The following EMSY variants were observed in gnomAD, a reference collection of about 807,000 sequenced individuals.
EMSY encodes the protein BRCA2-interacting transcriptional repressor EMSY.
Under a neutral mutation model 134.6 loss-of-function variants are expected in EMSY, and 26 were observed. That is an observed-to-expected ratio of 0.19 (90% CI 0.14 to 0.27). EMSY has a LOEUF of 0.27. Among genes scored for constraint, EMSY ranks in the 10% least tolerant of loss-of-function variants. The pLI, the probability that EMSY is intolerant of heterozygous loss-of-function variation, is 1.00. For synonymous variants in EMSY, 579 were observed against 577.8 expected (o/e 1.00, Z -0.03); for missense variants, 1,305 against 1,611.4 (o/e 0.81, Z 3.26).
intron 12 of EMSY, among the ~76,000 whole-genome samples, chr11:76,523,851 C>T (rs533647358): frequency 6.6e-6 from 1 of 151,282 alleles, no homozygotes; most frequent in Non-Finnish European, 1.5e-5. Flanking sequence ...TCAAGACCAG[C>T]CTTGGCAACA....
chr11:76,463,645 A>AG (rs1483174068), intron 6 of EMSY, among the ~76,000 whole-genome samples, 176 bp from the exon 8 acceptor site: 2 of 151,664 alleles, frequency 1.3e-5, no homozygotes, highest in Admixed American at 1.3e-4. Flanking sequence ...AAAAAAAAAA[A>AG]AAAGAAAGGA....
At chr11:76,513,166 G>A (rs992898299) in intron 9 of EMSY, among the ~76,000 whole-genome samples, 4 of 152,060 alleles carry the variant, frequency 2.6e-5, no homozygotes, top group African/African-American at 7.2e-5. Context: ...TCTTTATGAA[G>A]TTTGTTAATG....
At chr11:76,539,873 G>T (rs541630694) in intron 17 of EMSY, among the ~76,000 whole-genome samples, 12 of 152,286 alleles carry the variant, frequency 7.9e-5, no homozygotes, top group African/African-American at 2.4e-4. Flanking sequence ...CTGCTTTATG[G>T]TGTTTATATG....
chr11:76,544,878 A>G, intron 19 of EMSY, 56 bp downstream of exon 20: 1 of 1,550,876 alleles, frequency 6.4e-7, no homozygotes, highest in Non-Finnish European at 8.8e-7. Context: ...GGAAAAAAAA[A>G]TGAGAACATC....
In EMSY at chr11:76,458,060, A is replaced by G. The variant is rs558166853; in HGVS notation, c.246-123A>G. ...TTTTGATCTTGCTTGCTTAAAATAA[A>G]GCCTCTCCTATTCACTCAGGGCACT... is the stretch of plus-strand genomic sequence containing the variant. On this transcript the variant is annotated intron_variant, in intron 4 of 20. Transcript: ENST00000334736. 4 of 738,060 alleles carry G rather than the reference A, an allele frequency of 5.4e-6. No homozygotes were observed. In the East Asian group the frequency reaches 1.2e-4, roughly 23 times the overall value. 45.7% of individuals were successfully genotyped at this position (738,060 alleles called of 1,614,324 possible). A position where few individuals can be genotyped will look rare whatever the true frequency, so the allele number is the denominator to read the frequency against.
intron 10 of EMSY, 84 bp downstream of exon 11, chr11:76,513,619 G>C: frequency 7.0e-7 from 1 of 1,426,090 alleles, no homozygotes; most frequent in African/African-American, 1.4e-5. Flanking sequence ...CTTGACACTT[G>C]GGATATAGAG....
intron 8 of EMSY, among the ~76,000 whole-genome samples, chr11:76,494,654 CCTTCCTTCCTTCCTTCCTTCCTTCCT>C (rs1949558552): frequency 4.8e-4 from 1 of 2,104 alleles, no homozygotes; most frequent in Admixed American, 5.0e-3. Context: ...CCTTTCCCTT[CCTTCCTTCCTTCCTTCCTTCCTTCCT>C]TCCTTCCTTC....
chr11:76,549,879 TCTTGA>T, intron 20 of EMSY, 68 bp from the exon 22 acceptor site: 1 of 1,316,670 alleles, frequency 7.6e-7, no homozygotes, highest in Non-Finnish European at 1.0e-6. Flanking sequence ...TTTTTTTTTT[TCTTGA>T]TATTGTTGGG....
At chr11:76,462,238 C>CATAAATAAATAAATAA (rs558456923) in intron 6 of EMSY, among the ~76,000 whole-genome samples, 1 of 152,014 alleles carries the variant, frequency 6.6e-6, no homozygotes, top group Non-Finnish European at 1.5e-5. Context: ...GACTCCATCT[C>CATAAATAAATAAATAA]ATAAATAAAT....
intron 2 of EMSY, 94 bp downstream of exon 2, chr11:76,447,102 C>T (rs572857622): frequency 1.0e-5 from 12 of 1,168,994 alleles, no homozygotes; most frequent in South Asian, 2.8e-5. Flanking sequence ...TCATATCTCA[C>T]GCTACATCAG....
chr11:76,485,322 G>A (rs1171934021), intron 8 of EMSY, among the ~76,000 whole-genome samples: 2 of 152,140 alleles, frequency 1.3e-5, no homozygotes, highest in East Asian at 3.8e-4. Context: ...ACTGAATCCA[G>A]CAGCACATCA....
intron 14 of EMSY, among the ~76,000 whole-genome samples, chr11:76,529,360 G>A (rs1455180022): frequency 6.6e-6 from 1 of 152,038 alleles, no homozygotes; most frequent in Non-Finnish European, 1.5e-5. Context: ...CTTATACACA[G>A]TCTCCATATT....
intron 2 of EMSY, among the ~76,000 whole-genome samples, chr11:76,451,477 T>C (rs1947665891): frequency 6.6e-6 from 1 of 152,238 alleles, no homozygotes. Flanking sequence ...TAAGGAATTA[T>C]TTTAAGAGTT....
At chr11:76,496,431 C>A (rs764809048) in exon 9 of EMSY, 2 of 1,614,158 alleles carry the variant, frequency 1.2e-6, no homozygotes, top group Non-Finnish European at 8.5e-7. Flanking sequence ...CCTTTGCCAC[C>A]TGGTATTAAA....
At chr11:76,503,969 A>G (rs1271440492) in intron 9 of EMSY, among the ~76,000 whole-genome samples, 3 of 146,958 alleles carry the variant, frequency 2.0e-5, no homozygotes, top group Admixed American at 1.4e-4. Flanking sequence ...TTTTTTTTGT[A>G]GAGATGGGTT....
At chr11:76,494,276 G>A (rs991498532) in intron 8 of EMSY, among the ~76,000 whole-genome samples, 9 of 152,198 alleles carry the variant, frequency 5.9e-5, no homozygotes, top group Admixed American at 1.3e-4. Context: ...AGGTGCCGCC[G>A]GCCACAGACG....
At chr11:76,450,843 G>C (rs1401730269) in intron 2 of EMSY, among the ~76,000 whole-genome samples, 2 of 148,834 alleles carry the variant, frequency 1.3e-5, no homozygotes, top group African/African-American at 5.0e-5. Context: ...GCCCAGGCTG[G>C]AGTGCGGTGG....
At chr11:76,445,871 T>C (rs1947363921) in intron 1 of EMSY, among the ~76,000 whole-genome samples, 1 of 152,074 alleles carries the variant, frequency 6.6e-6, no homozygotes. Flanking sequence ...TACTGCCGGC[T>C]GGGGCGCGCA....
chr11:76,537,708 G>C, intron 15 of EMSY, 87 bp from the exon 17 acceptor site: 1 of 1,233,874 alleles, frequency 8.1e-7, no homozygotes, highest in Non-Finnish European at 1.1e-6. Context: ...GCACCCCAGA[G>C]GTCTGGTTCA....
Sources: allele counts gnomAD v4.1 joint callset (sites outside exome capture counted in the v4.1 genomes callset), GRCh38; gene constraint gnomAD v4.1.1; transcripts MANE v1.5; gene names NCBI Gene and HGNC (gene_info 2026-07-23, HGNC 2026-07-21).